LLCFC1: variants seen among roughly 807,000 people sequenced by gnomAD.
The protein encoded by LLCFC1 is sperm-oocyte fusion factor 1, also known as sperm-egg fusion protein LLCFC1.
LLCFC1 carries 14 observed loss-of-function variants against 9.8 expected under a neutral mutation model. The observed-to-expected ratio is 1.43, with a 90% CI of 0.95 to 2.24. LLCFC1 has a LOEUF of 2.24. Among genes scored for constraint, LLCFC1 ranks in the 30% most tolerant of loss-of-function variants. The probability of loss-of-function intolerance (pLI) is 0.00; values close to 1 mark genes in which losing one functional copy is unlikely to be tolerated. For missense variants in LLCFC1, 162 were observed against 148.0 expected (o/e 1.09, Z -0.49); for synonymous variants, 70 against 58.8 (o/e 1.19, Z -0.87).
At chr7:142,940,136 T>C (rs1796308751) in intron 1 of LLCFC1, among the ~76,000 whole-genome samples, 1 of 151,126 alleles carries the variant, frequency 6.6e-6, no homozygotes. Flanking sequence ...TGTGTGTGTG[T>C]GTGTGTGTGT....
At chr7:142,939,817 A>C in intron 1 of LLCFC1, 63 bp downstream of exon 1, 2 of 1,511,436 alleles carry the variant, frequency 1.3e-6, no homozygotes, top group East Asian at 2.3e-5. Context: ...GGTAGAAAAA[A>C]AGACGGGAGA....
At position 142,940,497 on chromosome 7, in the gene LLCFC1, C is replaced by T. The variant is rs1796318905; in HGVS notation, c.279C>T (p.Cys93=). ...VHKHSFHLSF[C]FSLASVMVFS... ...AGCACTCTTTCCACCTCAGCTTCTG[C>T]TTTAGTCTGGCCAGTGTCATGGTTT... is the stretch of plus-strand genomic sequence containing the variant. Residue 93 remains cysteine, a synonymous_variant, in exon 2 of 2, where the codon TGC becomes TGT. Coordinates refer to ENST00000409607, the MANE Select transcript of LLCFC1 (RefSeq NM_001382496.1). The T allele has an allele frequency of 1.9e-6, 3 of 1,614,060 alleles. No individual in the cohort carries two copies. Among genetic ancestry groups the T allele is most frequent in the Admixed American group, 1.7e-5 (1 of 60,002 alleles).
rs1348381240 is a variant in LLCFC1, at chr7:142,940,537, T to C, written c.319T>C (p.Leu107=). 10 of 1,614,088 alleles carry C rather than the reference T, an allele frequency of 6.2e-6. No homozygotes were observed. In the Admixed American group the frequency reaches 6.7e-5, roughly 11 times the overall value. Reference sequence around the variant, plus strand: ...TGTCATGGTTTTCTCAGGAGGGCCATTGAGGCGGACATTCCCAAATATCCA... The same window carrying C: ...TGTCATGGTTTTCTCAGGAGGGCCACTGAGGCGGACATTCCCAAATATCCA... ...ASVMVFSGGP[L]RRTFPNIQLC... is the part of the protein sequence containing the mutation. Residue 107 remains leucine (L), a synonymous_variant, in exon 2 of 2, where the codon TTG becomes CTG. Coordinates refer to ENST00000409607, the MANE Select transcript of LLCFC1 (RefSeq NM_001382496.1).
intron 1 of LLCFC1, 65 bp downstream of exon 1, chr7:142,939,819 G>A: frequency 1.3e-6 from 2 of 1,504,324 alleles, no homozygotes; most frequent in Non-Finnish European, 1.8e-6. Context: ...TAGAAAAAAA[G>A]ACGGGAGAGT....
Position 142,939,709 on chromosome 7 carries a change from C to G in LLCFC1, c.88C>G (p.Pro30Ala), listed in dbSNP as rs1202447025. ...GCAGGTGAAGCCTCTGAACGGGAGC[C>G]CAGGCCCCAAAGATGGGAGCCAGAC... ...LLQVKPLNGS[P>A]GPKDGSQTEK... Residue 30 changes from proline to alanine, a missense_variant, in exon 1 of 2, where the codon CCA (proline) becomes GCA (alanine). Physicochemically the swap from Pro to Ala is conservative, Grantham distance 27 (BLOSUM62 -1). Coordinates refer to ENST00000409607, the MANE Select transcript of LLCFC1 (RefSeq NM_001382496.1). The G allele has an allele frequency of 6.2e-7, 1 of 1,614,052 alleles. No individual in the cohort carries two copies. Among genetic ancestry groups the G allele is most frequent in the Non-Finnish European group, 8.5e-7 (1 of 1,179,960 alleles).
intron 1 of LLCFC1, among the ~76,000 whole-genome samples, chr7:142,940,111 GT>G (rs1796306973): frequency 0.023 from 102 of 4,404 alleles, no homozygotes; most frequent in African/African-American, 0.028. Flanking sequence ...GGAATGGTGT[GT>G]GTGTGTGTGT....
chr7:142,940,393 T>G lies in LLCFC1; in HGVS notation c.175T>G (p.Ser59Ala). The G allele has an allele frequency of 6.2e-7, 1 of 1,614,140 alleles. No homozygotes were observed. Among genetic ancestry groups the G allele is most frequent in the Non-Finnish European group, 8.5e-7 (1 of 1,180,020 alleles). Residue 59 changes from serine to alanine, a missense_variant, in exon 2 of 2, where the codon TCA becomes GCA. Physicochemically the swap from Ser to Ala is moderately conservative, Grantham distance 99. Transcript: ENST00000409607. ...EQFEEHFVAS[S>A]VGEMWQVVDM... is the part of the protein sequence containing the mutation. ...GTTCGAAGAGCACTTTGTGGCCTCC[T>G]CAGTGGGTGAGATGTGGCAGGTGGT...
In LLCFC1 at chr7:142,940,732, T is replaced by C; in HGVS notation, c.*145T>C. 1 of 701,974 alleles carries C rather than the reference T, an allele frequency of 1.4e-6. No individual in the cohort carries two copies. The allele number at this position is 701,974 out of a possible 1,614,324, so 43.5% of individuals were successfully genotyped here. On this transcript the variant is annotated 3_prime_UTR_variant, in exon 2 of 2. Transcript: ENST00000409607. Reference sequence around the variant, plus strand: ...AGTGCTAACTGACTGCCTCTCCAGGTTCGGAGTTTCATCTCCCAGGGCCAG... The same window carrying C: ...AGTGCTAACTGACTGCCTCTCCAGGCTCGGAGTTTCATCTCCCAGGGCCAG...
Position 142,939,615 on chromosome 7 carries a change from C to T in LLCFC1, c.-7C>T. ...GGGGCGGCCAAAGGCAGTGGGTGGGCAGGTCCATGCCTCCCCTGGCCCCCC... is the reference window on the plus strand; with the variant it reads ...GGGGCGGCCAAAGGCAGTGGGTGGGTAGGTCCATGCCTCCCCTGGCCCCCC... On this transcript the variant is annotated 5_prime_UTR_variant, in exon 1 of 2. It introduces an in-frame stop codon into an upstream open reading frame of the 5' UTR. Coordinates refer to ENST00000409607, the MANE Select transcript of LLCFC1 (RefSeq NM_001382496.1). 1.2e-6 allele frequency: 2 copies of T among 1,608,924 alleles called. No individual in the cohort carries two copies. Among genetic ancestry groups the T allele is most frequent in the Non-Finnish European group, 1.7e-6 (2 of 1,177,588 alleles).
chr7:142,940,856 A>C lies in LLCFC1; in HGVS notation c.*269A>C. 3.4e-6 allele frequency: 2 copies of C among 584,148 alleles called. No homozygotes were observed. The highest frequency in any genetic ancestry group is 3.0e-6 in the Non-Finnish European group (1 of 328,896). The allele number at this position is 584,148 out of a possible 1,614,324, so 36.2% of individuals were successfully genotyped here. On this transcript the variant is annotated 3_prime_UTR_variant, in exon 2 of 2. Transcript: ENST00000409607. Reference sequence around the variant, plus strand: ...GCAATGACAATAAAATAACGATAAAATCCTGAGAACAATTGGGAGCAGCTT... The same window carrying C: ...GCAATGACAATAAAATAACGATAAACTCCTGAGAACAATTGGGAGCAGCTT...
rs377208456 is a variant in LLCFC1 at position 142,940,344 on chromosome 7, T to G, written c.134-8T>G. On this transcript the variant is annotated splice_polypyrimidine_tract_variant and splice_region_variant and intron_variant, in intron 1 of 1. Coordinates refer to ENST00000409607, the MANE Select transcript of LLCFC1 (RefSeq NM_001382496.1). Reference sequence around the variant, plus strand: ...GGGCTCAGTCCTTGTCCTTTTCCCCTGTTCCAGACCAGAATCAAGAACAGT... The same window carrying G: ...GGGCTCAGTCCTTGTCCTTTTCCCCGGTTCCAGACCAGAATCAAGAACAGT... 3 of 1,612,062 alleles carry G rather than the reference T, an allele frequency of 1.9e-6. No homozygotes were observed. In the African/African-American group the frequency reaches 4.0e-5, roughly 22 times the overall value.
chr7:142,939,904 G>C (rs951759386), intron 1 of LLCFC1, 150 bp downstream of exon 1: 7 of 730,808 alleles, frequency 9.6e-6, no homozygotes, highest in Non-Finnish European at 1.1e-5. Flanking sequence ...ACCTGACATA[G>C]GTCTGGTTTA....
chr7:142,940,328 C>A (rs1230316782), intron 1 of LLCFC1, 24 bp from the exon 2 acceptor site: 5 of 1,595,482 alleles, frequency 3.1e-6, no homozygotes, highest in Non-Finnish European at 4.3e-6. Flanking sequence ...AGGGCTCAGT[C>A]CTTGTCCTTT....
At chr7:142,939,870 G>A in intron 1 of LLCFC1, 116 bp downstream of exon 1, 1 of 1,022,514 alleles carries the variant, frequency 9.8e-7, no homozygotes, top group Non-Finnish European at 1.4e-6. Flanking sequence ...CCAGGCCCCA[G>A]GTCACTGATG....
At position 142,940,663 on chromosome 7, in the gene LLCFC1, T is replaced by A; in HGVS notation, c.*76T>A. Reference sequence around the variant, plus strand: ...CATGGCTCTCTGCCTCTGATCACCATCACTGTATCTCAAGGTTCAGCAGCA... The same window carrying A: ...CATGGCTCTCTGCCTCTGATCACCAACACTGTATCTCAAGGTTCAGCAGCA... On this transcript the variant is annotated 3_prime_UTR_variant, in exon 2 of 2. Coordinates refer to ENST00000409607, the MANE Select transcript of LLCFC1 (RefSeq NM_001382496.1). 8.3e-7 allele frequency: 1 copy of A among 1,203,402 alleles called. No homozygotes were observed. The highest frequency in any genetic ancestry group is 1.2e-6 in the Non-Finnish European group (1 of 820,698). The allele number at this position is 1,203,402 out of a possible 1,614,324, so 74.5% of individuals were successfully genotyped here. A position where few individuals can be genotyped will look rare whatever the true frequency, so the allele number is the denominator to read the frequency against.
Position 142,940,642 on chromosome 7 carries a change from GCT to G in LLCFC1, c.*60_*61del, listed in dbSNP as rs1320265704. 1.9e-5 allele frequency: 26 copies of G among 1,389,104 alleles called. No individual in the cohort carries two copies. The highest frequency in any genetic ancestry group is 2.5e-5 in the Non-Finnish European group (24 of 979,474). The allele number at this position is 1,389,104 out of a possible 1,614,324, so 86.0% of individuals were successfully genotyped here. A position where few individuals can be genotyped will look rare whatever the true frequency, so the allele number is the denominator to read the frequency against. The stretch of plus-strand genomic sequence containing the variant: ...AACTCCCAAAGGAGATGCAGGCATG[GCT>G]CTCTGCCTCTGATCACCATCACTGT... On this transcript the variant is annotated 3_prime_UTR_variant, in exon 2 of 2. Coordinates refer to ENST00000409607, the MANE Select transcript of LLCFC1 (RefSeq NM_001382496.1).
chr7:142,940,640 T>C lies in LLCFC1; in HGVS notation c.*53T>C. 1.4e-6 allele frequency: 2 copies of C among 1,407,628 alleles called. No individual in the cohort carries two copies. The highest frequency in any genetic ancestry group is 2.0e-6 in the Non-Finnish European group (2 of 995,404). 87.2% of individuals were successfully genotyped at this position (1,407,628 alleles called of 1,614,324 possible). ...ACAACTCCCAAAGGAGATGCAGGCATGGCTCTCTGCCTCTGATCACCATCA... is the reference window on the plus strand; with the variant it reads ...ACAACTCCCAAAGGAGATGCAGGCACGGCTCTCTGCCTCTGATCACCATCA... On this transcript the variant is annotated 3_prime_UTR_variant, in exon 2 of 2. Transcript: ENST00000409607.
Position 142,940,727 on chromosome 7 carries a change from C to T in LLCFC1, c.*140C>T, listed in dbSNP as rs1044971550. On this transcript the variant is annotated 3_prime_UTR_variant, in exon 2 of 2. Transcript: ENST00000409607. ...CCATCAGTGCTAACTGACTGCCTCT[C>T]CAGGTTCGGAGTTTCATCTCCCAGG... 9.1e-5 allele frequency: 66 copies of T among 727,560 alleles called. No homozygotes were observed. The highest frequency in any genetic ancestry group is 1.2e-4 in the Non-Finnish European group (54 of 439,596). The allele number at this position is 727,560 out of a possible 1,614,324, so 45.1% of individuals were successfully genotyped here.
chr7:142,939,818 A>G (rs961610602), intron 1 of LLCFC1, 64 bp downstream of exon 1: 17 of 1,504,848 alleles, frequency 1.1e-5, no homozygotes, highest in Non-Finnish European at 1.4e-5. Context: ...GTAGAAAAAA[A>G]GACGGGAGAG....
Sources: gnomAD v4.1 joint callset for allele counts (sites outside exome capture counted in the v4.1 genomes callset) on GRCh38, gnomAD v4.1.1 for gene constraint, MANE v1.5 for transcripts, NCBI Gene and HGNC (gene_info 2026-07-23, HGNC 2026-07-21) for gene names.